Variants in TMEM248 observed in about 807,000 individuals in gnomAD.
TMEM248 encodes the protein UPF0458 protein C7orf42.
In TMEM248, 9 loss-of-function variants were observed where a neutral mutation model predicts 30.3. The observed-to-expected ratio is 0.30, with a 90% CI of 0.18 to 0.52. The LOEUF (loss-of-function observed/expected upper bound fraction) is 0.52, where lower values mean the gene tolerates loss of function less well. Among genes scored for constraint, TMEM248 ranks in the 20% least tolerant of loss-of-function variants. The pLI is 0.97. For missense variants in TMEM248, 338 were observed against 403.3 expected, an observed-to-expected ratio of 0.84 and a Z score of 1.39; for synonymous variants, 184 against 154.4, an observed-to-expected ratio of 1.19 and a Z score of -1.42.
At chr7:66,955,272 AAAACCAGTT>A (rs1792372951) in intron 6 of TMEM248, among the ~76,000 whole-genome samples, 1 of 152,246 alleles carries the variant, frequency 6.6e-6, no homozygotes, top group African/African-American at 2.4e-5. Flanking sequence ...CAAAAAAACA[AAAACCAGTT>A]AATTCTGTCT....
chr7:66,931,043 C>T (rs183388444), intron 1 of TMEM248, among the ~76,000 whole-genome samples: 2 of 152,134 alleles, frequency 1.3e-5, no homozygotes, highest in East Asian at 3.9e-4. Flanking sequence ...TGGTTTGTGC[C>T]TGGAATCCCA....
At chr7:66,934,845 A>C (rs1055601633) in intron 1 of TMEM248, among the ~76,000 whole-genome samples, 5 of 152,172 alleles carry the variant, frequency 3.3e-5, no homozygotes, top group Non-Finnish European at 7.4e-5. Context: ...CGAGGACAGG[A>C]GTTCAAGACC....
intron 1 of TMEM248, among the ~76,000 whole-genome samples, chr7:66,929,677 A>C (rs1194657078): frequency 1.3e-5 from 2 of 151,946 alleles, no homozygotes; most frequent in Non-Finnish European, 2.9e-5. Flanking sequence ...CAGGTGATCC[A>C]CCTGCCTCGG....
intron 2 of TMEM248, among the ~76,000 whole-genome samples, chr7:66,943,540 G>C (rs1404975950): frequency 6.6e-6 from 1 of 152,310 alleles, no homozygotes; most frequent in South Asian, 2.1e-4. Context: ...ACTTAATGCT[G>C]ATTTTACCTT....
chr7:66,936,776 A>T (rs1458540799), intron 1 of TMEM248, among the ~76,000 whole-genome samples: 1 of 152,046 alleles, frequency 6.6e-6, no homozygotes, highest in African/African-American at 2.4e-5. Context: ...TGATCCTTTG[A>T]AGTCCTGTGA....
In TMEM248 at chr7:66,921,295, C is replaced by T. The variant is rs1791377610; in HGVS notation, c.-185C>T. On this transcript the variant is annotated 5_prime_UTR_variant, in exon 1 of 7. Coordinates refer to ENST00000341567, the MANE Select transcript of TMEM248 (RefSeq NM_017994.5). ...GAGCCCGGTTGGCGTCTGGTCTTCG[C>T]GTCGGCCCCGCGGAGCCAGACGCTG... is the stretch of plus-strand genomic sequence containing the variant. The T allele has an allele frequency of 6.6e-6, 1 of 151,138 alleles. No homozygotes were observed. Among genetic ancestry groups the T allele is most frequent in the East Asian group, 1.9e-4 (1 of 5,138 alleles). The allele number at this position is 151,138 out of a possible 1,614,324, so 9.4% of individuals were successfully genotyped here. A position where few individuals can be genotyped will look rare whatever the true frequency, so the allele number is the denominator to read the frequency against.
chr7:66,932,219 A>G (rs1308883022), intron 1 of TMEM248, among the ~76,000 whole-genome samples: 2 of 151,188 alleles, frequency 1.3e-5, no homozygotes, highest in African/African-American at 2.5e-5. Context: ...CACCAACACA[A>G]TTAACTGTGT....
chr7:66,939,740 A>G (rs1016946573), intron 1 of TMEM248, among the ~76,000 whole-genome samples: 3 of 152,154 alleles, frequency 2.0e-5, no homozygotes, highest in African/African-American at 7.2e-5. Context: ...ATGCTAAACA[A>G]TATAAAGGAA....
At chr7:66,953,472 C>G in intron 6 of TMEM248, 103 bp downstream of exon 6, 2 of 1,452,008 alleles carry the variant, frequency 1.4e-6, no homozygotes, top group South Asian at 2.7e-5. Flanking sequence ...CACCTTTCGT[C>G]TAAAGAAATG....
chr7:66,945,143 G>C lies in TMEM248; in HGVS notation c.327G>C (p.Pro109=). The C allele has an allele frequency of 6.2e-7, 1 of 1,614,180 alleles. No individual in the cohort carries two copies. Among genetic ancestry groups the C allele is most frequent in the South Asian group, 1.1e-5 (1 of 91,082 alleles). ...CCCAGGCCCTGGAGGACTCGGGCCC[G>C]GTGAATATCTCAGTCTCAATCACCC... is the stretch of plus-strand genomic sequence containing the variant. ...QSPQALEDSG[P]VNISVSITLT... Residue 109 remains proline, a synonymous_variant, in exon 3 of 7, where the codon CCG becomes CCC. Coordinates refer to ENST00000341567, the MANE Select transcript of TMEM248 (RefSeq NM_017994.5).
At chr7:66,944,338 C>G (rs1792041019) in intron 2 of TMEM248, among the ~76,000 whole-genome samples, 1 of 152,074 alleles carries the variant, frequency 6.6e-6, no homozygotes, top group South Asian at 2.1e-4. Context: ...CTCCTGACCT[C>G]AAATGATCCA....
chr7:66,923,322 T>A (rs1426224922), intron 1 of TMEM248, among the ~76,000 whole-genome samples: 24 of 151,752 alleles, frequency 1.6e-4, no homozygotes. Context: ...ATTTTTGTAT[T>A]TTTGGTAGAG....
In TMEM248 at chr7:66,941,759, C is replaced by CA. The variant is rs562411614; in HGVS notation, c.-18-88dup. 5.6e-5 allele frequency: 65 copies of CA among 1,166,778 alleles called. No homozygotes were observed. In the African/African-American group the frequency reaches 9.6e-4, roughly 17 times the overall value. 72.3% of individuals were successfully genotyped at this position (1,166,778 alleles called of 1,614,324 possible). On this transcript the variant is annotated intron_variant, in intron 1 of 6. Coordinates refer to ENST00000341567, the MANE Select transcript of TMEM248 (RefSeq NM_017994.5). ...TAATGAGTGCCCATCCCACCCAGCT[C>CA]ACCCCCCAACACCTCAAAAGGAAAC...
In TMEM248 at chr7:66,929,578, A is replaced by G. The variant is rs545812635; in HGVS notation, c.-19+8117A>G. ...CAGCTTCCTGAGTAGCTGGCATTAT[A>G]GGCGTGCACCGCCATGCCCAGCTAA... On this transcript the variant is annotated intron_variant, in intron 1 of 6. Coordinates refer to ENST00000341567, the MANE Select transcript of TMEM248 (RefSeq NM_017994.5). 5.3e-5 allele frequency among the ~76,000 whole-genome samples: 8 copies of G among 151,974 alleles called. No individual in the cohort carries two copies. The East Asian group carries it at 7.8e-4, about 15-fold the overall frequency.
In TMEM248 at chr7:66,955,941, C is replaced by T. The variant is rs902790950; in HGVS notation, c.*419C>T. 4 of 173,782 alleles carry T rather than the reference C, an allele frequency of 2.3e-5. No individual in the cohort carries two copies. The highest frequency in any genetic ancestry group is 7.1e-5 in the African/African-American group (3 of 42,206). The allele number at this position is 173,782 out of a possible 1,614,324, so 10.8% of individuals were successfully genotyped here. Reference sequence around the variant, plus strand: ...TGTAGAGAACATTTGAAACAGTCTGCACCTTTGATACGGTATTGCATTTCC... The same window carrying T: ...TGTAGAGAACATTTGAAACAGTCTGTACCTTTGATACGGTATTGCATTTCC... On this transcript the variant is annotated 3_prime_UTR_variant, in exon 7 of 7. Transcript: ENST00000341567.
chr7:66,949,721 T>C (rs1317702696), intron 4 of TMEM248, among the ~76,000 whole-genome samples: 1 of 152,234 alleles, frequency 6.6e-6, no homozygotes, highest in African/African-American at 2.4e-5. Flanking sequence ...TGAACTTTAT[T>C]TTCCATTAAA....
chr7:66,927,645 C>T (rs535112395), intron 1 of TMEM248, among the ~76,000 whole-genome samples: 8 of 145,112 alleles, frequency 5.5e-5, no homozygotes, highest in Admixed American at 7.0e-5. Context: ...TTTTTAGGGA[C>T]GGGGTCTCAC....
rs995708891 is a variant in TMEM248 at position 66,957,474 on chromosome 7, C to A, written c.*1952C>A. 1.3e-5 allele frequency: 2 copies of A among 152,168 alleles called. No homozygotes were observed. Among genetic ancestry groups the A allele is most frequent in the African/African-American group, 4.8e-5 (2 of 41,436 alleles). 9.4% of individuals were successfully genotyped at this position (152,168 alleles called of 1,614,324 possible). On this transcript the variant is annotated 3_prime_UTR_variant, in exon 7 of 7. Transcript: ENST00000341567. Reference sequence around the variant, plus strand: ...AGTTGCTTACACGATGCATGGCTAACTTGTTAATTTAGTTTTCTCCTTAGA... The same window carrying A: ...AGTTGCTTACACGATGCATGGCTAAATTGTTAATTTAGTTTTCTCCTTAGA...
intron 1 of TMEM248, among the ~76,000 whole-genome samples, chr7:66,928,469 C>T (rs879687904): frequency 3.3e-5 from 5 of 152,082 alleles, no homozygotes; most frequent in Non-Finnish European, 5.9e-5. Context: ...TGACCTAGTA[C>T]AAATTACTTA....
Sources: allele counts gnomAD v4.1 joint callset (sites outside exome capture counted in the v4.1 genomes callset), GRCh38; gene constraint gnomAD v4.1.1; transcripts MANE v1.5; gene names NCBI Gene and HGNC (gene_info 2026-07-23, HGNC 2026-07-21).